XKR9: variants seen among roughly 807,000 people sequenced by gnomAD.
XKR9 encodes XK-related protein 9.
A neutral mutation model predicts 32.0 loss-of-function variants in XKR9; 32 were observed. The ratio of observed to expected loss-of-function variants is 1.00; its 90% CI spans 0.76 to 1.34. XKR9 has a LOEUF of 1.34. Among genes scored for constraint, XKR9 ranks in the 40% most tolerant of loss-of-function variants. XKR9 has a pLI of 0.00. For missense variants in XKR9, 546 were observed against 429.7 expected (o/e 1.27, Z -2.39); for synonymous variants, 168 against 143.4 (o/e 1.17, Z -1.22).
chr8:70,949,099 A>T, the XKR9 span, among the ~76,000 whole-genome samples: 1 of 152,174 alleles, frequency 6.6e-6, no homozygotes, highest in African/African-American at 2.4e-5. Context: ...TGTCTCCTTC[A>T]CATTTAAGTA....
At chr8:70,676,603 A>G (rs1257368270) in intron 2 of XKR9, among the ~76,000 whole-genome samples, 1 of 152,180 alleles carries the variant, frequency 6.6e-6, no homozygotes, top group Non-Finnish European at 1.5e-5. Flanking sequence ...GCCTGACTAA[A>G]TTAGGAATAT....
chr8:70,735,414 T>C lies in XKR9; in HGVS notation c.*990T>C, dbSNP rs1481327422. 6.6e-6 allele frequency: 1 copy of C among 151,696 alleles called. No individual in the cohort carries two copies. The highest frequency in any genetic ancestry group is 1.5e-5 in the Non-Finnish European group (1 of 67,942). 9.4% of individuals were successfully genotyped at this position (151,696 alleles called of 1,614,324 possible). On this transcript the variant is annotated 3_prime_UTR_variant, in exon 5 of 5. Transcript: ENST00000408926. ...TTTGTATGTTGATGGCATTTGGAAG[T>C]GGTGGGGACTTTGTTTATTTATTTA...
the XKR9 span, among the ~76,000 whole-genome samples, chr8:71,033,007 C>T: frequency 1.2e-4 from 18 of 151,794 alleles, no homozygotes; most frequent in Admixed American, 1.3e-4. Flanking sequence ...TCGCTTGAAC[C>T]CGGGAGGTGG....
the XKR9 span, among the ~76,000 whole-genome samples, chr8:70,869,863 TG>T: frequency 3.9e-5 from 6 of 152,192 alleles, no homozygotes; most frequent in Admixed American, 3.9e-4. Flanking sequence ...CTTAGGCAAG[TG>T]TGGTCTGAAA....
the XKR9 span, among the ~76,000 whole-genome samples, chr8:70,853,554 T>A: frequency 3.3e-3 from 508 of 152,074 alleles, 18 homozygotes; most frequent in Admixed American, 0.029. Flanking sequence ...CTTTTTTTTT[T>A]AAATTATACT....
chr8:70,801,090 G>A, the XKR9 span, among the ~76,000 whole-genome samples: 1 of 150,834 alleles, frequency 6.6e-6, no homozygotes, highest in African/African-American at 2.4e-5. Context: ...AGTGTAGCTA[G>A]TGGTCTATCA....
At chr8:71,017,553 T>G in the XKR9 span, among the ~76,000 whole-genome samples, 3 of 152,142 alleles carry the variant, frequency 2.0e-5, no homozygotes, top group Non-Finnish European at 4.4e-5. Flanking sequence ...AGAAGGAGGC[T>G]CTGGAAGGTT....
chr8:70,818,698 T>C, the XKR9 span, among the ~76,000 whole-genome samples: 2 of 152,204 alleles, frequency 1.3e-5, no homozygotes, highest in African/African-American at 4.8e-5. Context: ...TTGGGAATTT[T>C]GTTTGTGCTA....
At chr8:70,888,876 A>T in the XKR9 span, among the ~76,000 whole-genome samples, 1 of 151,866 alleles carries the variant, frequency 6.6e-6, no homozygotes, top group Non-Finnish European at 1.5e-5. Flanking sequence ...ATATTTTGAG[A>T]TCTGGTATGT....
At chr8:70,672,859 C>T (rs1818760740) in intron 1 of XKR9, among the ~76,000 whole-genome samples, 1 of 152,118 alleles carries the variant, frequency 6.6e-6, no homozygotes, top group Non-Finnish European at 1.5e-5. Flanking sequence ...ATTTGTATGT[C>T]TTCTTTTGAG....
chr8:71,018,098 T>G, the XKR9 span, among the ~76,000 whole-genome samples: 1 of 152,160 alleles, frequency 6.6e-6, no homozygotes. Context: ...AAAGTTAAAG[T>G]TTTCTTATGT....
At chr8:70,814,455 A>T in the XKR9 span, among the ~76,000 whole-genome samples, 56 of 151,762 alleles carry the variant, frequency 3.7e-4, no homozygotes, top group Non-Finnish European at 6.2e-4. Context: ...ATATTAAAAT[A>T]AAAAAATAAA....
chr8:71,031,939 C>T, the XKR9 span, among the ~76,000 whole-genome samples: 6 of 152,184 alleles, frequency 3.9e-5, no homozygotes, highest in Non-Finnish European at 7.4e-5. Flanking sequence ...TATGACACTG[C>T]GGGAGATTGT....
At chr8:70,987,060 C>T in the XKR9 span, among the ~76,000 whole-genome samples, 2 of 152,140 alleles carry the variant, frequency 1.3e-5, no homozygotes, top group African/African-American at 4.8e-5. Flanking sequence ...ATGGGGGAAA[C>T]CACCCCATGA....
At chr8:70,680,399 C>T (rs1458553728) in intron 2 of XKR9, among the ~76,000 whole-genome samples, 1 of 152,076 alleles carries the variant, frequency 6.6e-6, no homozygotes, top group Non-Finnish European at 1.5e-5. Context: ...GGGCCAAAAG[C>T]ATATTAAGAA....
At chr8:71,049,717 AAAG>A in the XKR9 span, among the ~76,000 whole-genome samples, 1 of 152,174 alleles carries the variant, frequency 6.6e-6, no homozygotes, top group Non-Finnish European at 1.5e-5. Flanking sequence ...GAGAGGGGAT[AAAG>A]AAGGGAGGAG....
intron 4 of XKR9, among the ~76,000 whole-genome samples, chr8:70,727,315 TAAAG>T (rs1201590041): frequency 6.9e-6 from 1 of 145,872 alleles, no homozygotes; most frequent in Non-Finnish European, 1.5e-5. Context: ...ATTTTTGAAT[TAAAG>T]AAGACAAGTT....
intron 2 of XKR9, among the ~76,000 whole-genome samples, chr8:70,765,910 TG>T (rs1383874591): frequency 6.6e-6 from 1 of 152,216 alleles, no homozygotes; most frequent in Non-Finnish European, 1.5e-5. Flanking sequence ...AAACATCAGA[TG>T]GTTGTAGATG....
chr8:71,059,034 C>T, the XKR9 span, among the ~76,000 whole-genome samples: 1 of 152,172 alleles, frequency 6.6e-6, no homozygotes, highest in African/African-American at 2.4e-5. Context: ...CTCATAAAAT[C>T]CAAAGGAAAC....
Sources: allele counts gnomAD v4.1 joint callset (sites outside exome capture counted in the v4.1 genomes callset), GRCh38; gene constraint gnomAD v4.1.1; transcripts MANE v1.5; gene names NCBI Gene and HGNC (gene_info 2026-07-23, HGNC 2026-07-21).